EPDR1: variants seen among roughly 807,000 people sequenced by gnomAD.
EPDR1 encodes the protein mammalian ependymin-related protein 1.
Under a neutral mutation model 23.7 loss-of-function variants are expected in EPDR1, and 27 were observed. The observed-to-expected ratio is 1.14, with a 90% CI of 0.84 to 1.57. The LOEUF is 1.57. Ranked by LOEUF, EPDR1 falls within the 40% of genes most tolerant of loss-of-function variation. The pLI is 0.00. For missense variants in EPDR1, 349 were observed against 290.4 expected (o/e 1.20, Z -1.47); for synonymous variants, 137 against 118.2 (o/e 1.16, Z -1.03).
intron 1 of EPDR1, among the ~76,000 whole-genome samples, chr7:37,944,714 C>A (rs756400503): frequency 1.3e-5 from 2 of 152,176 alleles, no homozygotes; most frequent in African/African-American, 2.4e-5. Context: ...TACCTCCCCC[C>A]AGGTCCCTCC....
At chr7:37,936,666 A>G (rs1786060057) in intron 1 of EPDR1, among the ~76,000 whole-genome samples, 1 of 152,154 alleles carries the variant, frequency 6.6e-6, no homozygotes, top group African/African-American at 2.4e-5. Context: ...ATATATACAA[A>G]CAATAACCTT....
At chr7:37,931,886 T>C (rs915660404) in intron 1 of EPDR1, among the ~76,000 whole-genome samples, 2 of 152,062 alleles carry the variant, frequency 1.3e-5, no homozygotes, top group Non-Finnish European at 2.9e-5. Flanking sequence ...TATTTATTTT[T>C]TGTAGTAGAG....
At chr7:37,924,682 G>C (rs1785781489) in intron 1 of EPDR1, among the ~76,000 whole-genome samples, 1 of 152,166 alleles carries the variant, frequency 6.6e-6, no homozygotes, top group Non-Finnish European at 1.5e-5. Context: ...CCGAGTTCTT[G>C]GCAAGGTTCT....
Position 37,948,929 on chromosome 7 carries a change from A to C in EPDR1, c.359A>C (p.Gln120Pro). ...CAGTGCTCAAAGATGACCCTGACACAGCCCTGGGATCCTCTTGACATTCCT... is the reference window on the plus strand; with the variant it reads ...CAGTGCTCAAAGATGACCCTGACACCGCCCTGGGATCCTCTTGACATTCCT... ...TKQCSKMTLT[Q>P]PWDPLDIPQN... Residue 120 changes from glutamine to proline, a missense_variant, in exon 2 of 3, where the codon CAG becomes CCG. Transcript: ENST00000199448. 2 of 1,614,164 alleles carry C rather than the reference A, an allele frequency of 1.2e-6. No individual in the cohort carries two copies.
intron 1 of EPDR1, among the ~76,000 whole-genome samples, chr7:37,925,723 A>C (rs1785798447): frequency 6.6e-6 from 1 of 152,160 alleles, no homozygotes; most frequent in Non-Finnish European, 1.5e-5. Context: ...ATTTAATTTG[A>C]ATGATGCCTA....
chr7:37,921,411 G>A (rs1300624610), intron 1 of EPDR1: 5 of 1,391,676 alleles, frequency 3.6e-6, no homozygotes, highest in African/African-American at 1.5e-5. Flanking sequence ...AGGGCGGCCT[G>A]CTGGCGGGGG....
chr7:37,926,482 A>C (rs1335133839), intron 1 of EPDR1, among the ~76,000 whole-genome samples: 1 of 88,832 alleles, frequency 1.1e-5, no homozygotes. Context: ...TCATAGCAAA[A>C]AAAAAAAAAA....
At chr7:37,923,579 A>G (rs1785755859) in intron 1 of EPDR1, among the ~76,000 whole-genome samples, 1 of 152,174 alleles carries the variant, frequency 6.6e-6, no homozygotes, top group Non-Finnish European at 1.5e-5. Flanking sequence ...GAATAGTCAT[A>G]TTGAAGATGG....
chr7:37,950,675 A>G lies in EPDR1; in HGVS notation c.*279A>G. On this transcript the variant is annotated 3_prime_UTR_variant, in exon 3 of 3. Coordinates refer to ENST00000199448, the MANE Select transcript of EPDR1 (RefSeq NM_017549.5). ...TGCCTGTTCAGGGCTGGTTTTCTGC[A>G]TGCACGGGTATACACATAATGCAGT... is the stretch of plus-strand genomic sequence containing the variant. 2.5e-6 allele frequency: 1 copy of G among 407,436 alleles called. No individual in the cohort carries two copies. The highest frequency in any genetic ancestry group is 4.4e-6 in the Non-Finnish European group (1 of 225,296). The allele number at this position is 407,436 out of a possible 1,614,324, so 25.2% of individuals were successfully genotyped here.
intron 1 of EPDR1, among the ~76,000 whole-genome samples, chr7:37,937,984 AATTTT>A (rs1400538954): frequency 1.6e-5 from 1 of 62,244 alleles, no homozygotes; most frequent in Non-Finnish European, 3.1e-5. Flanking sequence ...GTGCCCTTTA[AATTTT>A]TTTTTTTTTT....
At chr7:37,942,673 C>T (rs1032714715) in intron 1 of EPDR1, among the ~76,000 whole-genome samples, 1 of 152,120 alleles carries the variant, frequency 6.6e-6, no homozygotes, top group East Asian at 1.9e-4. Flanking sequence ...TGTCCAGACA[C>T]ATGTACAGAG....
At chr7:37,922,656 T>C in intron 1 of EPDR1, among the ~76,000 whole-genome samples, 1 of 122,180 alleles carries the variant, frequency 8.2e-6, no homozygotes, top group East Asian at 2.3e-4. Flanking sequence ...AGCTAATGCT[T>C]GAGGAAGCTA....
chr7:37,944,587 T>A (rs6968919), intron 1 of EPDR1, among the ~76,000 whole-genome samples: 38,807 of 152,186 alleles, frequency 0.25, 5,494 homozygotes, highest in Non-Finnish European at 0.32. Context: ...TCTTACGTGG[T>A]GGCAGGCAAG....
chr7:37,931,340 C>T lies in EPDR1; in HGVS notation c.269+10132C>T, dbSNP rs569717402. ...ACCAGCCTGGCCACCATGGTGAAAC[C>T]CCATCTCTACTAAAAATACAAAAAT... On this transcript the variant is annotated intron_variant, in intron 1 of 2. Transcript: ENST00000199448. 2.6e-5 allele frequency among the ~76,000 whole-genome samples: 4 copies of T among 152,046 alleles called. No homozygotes were observed. In the South Asian group the frequency reaches 8.3e-4, roughly 32 times the overall value.
chr7:37,927,392 A>G (rs753853711), intron 1 of EPDR1, among the ~76,000 whole-genome samples: 10 of 150,346 alleles, frequency 6.7e-5, no homozygotes, highest in Non-Finnish European at 1.3e-4. Context: ...TTTTCCTTTC[A>G]TTTTTGCTAC....
In EPDR1 at chr7:37,923,803, G is replaced by A. The variant is rs968694530; in HGVS notation, c.269+2595G>A. Among the ~76,000 whole-genome samples the A allele has an allele frequency of 4.6e-5, 7 of 152,144 alleles. 1 individual carries two copies. Among genetic ancestry groups the A allele is most frequent in the Non-Finnish European group, 8.8e-5 (6 of 68,030 alleles). On this transcript the variant is annotated intron_variant, in intron 1 of 2. Coordinates refer to ENST00000199448, the MANE Select transcript of EPDR1 (RefSeq NM_017549.5). ...GTCTCAGTATCCTCATTTACAAAAT[G>A]TGAATACTTATAATGCCTAATTTAT...
rs1259605037 is a variant in EPDR1, at chr7:37,950,286, A to G, written c.565A>G (p.Thr189Ala). The part of the protein sequence containing the change: ...FTINYSVILS[T>A]RFFDIQLGIK... ...CATAAACTACAGTGTGATATTGTCTACGCGGTTTTTTGACATCCAGCTGGG... is the reference window on the plus strand; with the variant it reads ...CATAAACTACAGTGTGATATTGTCTGCGCGGTTTTTTGACATCCAGCTGGG... Residue 189 changes from threonine (T) to alanine (A), a missense_variant, in exon 3 of 3, where the codon ACG (threonine) becomes GCG (alanine). By Grantham distance (58) the Thr-to-Ala change is moderately conservative (BLOSUM62 0). Transcript: ENST00000199448. The G allele has an allele frequency of 6.2e-7, 1 of 1,613,934 alleles. No individual in the cohort carries two copies. Among genetic ancestry groups the G allele is most frequent in the African/African-American group, 1.3e-5 (1 of 74,874 alleles).
chr7:37,930,701 G>T (rs1785919531), intron 1 of EPDR1, among the ~76,000 whole-genome samples: 1 of 152,202 alleles, frequency 6.6e-6, no homozygotes, highest in African/African-American at 2.4e-5. Flanking sequence ...AATGAAGCTT[G>T]GGAATCCACT....
intron 1 of EPDR1, among the ~76,000 whole-genome samples, chr7:37,943,021 C>T (rs1368022927): frequency 6.6e-6 from 1 of 152,224 alleles, no homozygotes; most frequent in African/African-American, 2.4e-5. Context: ...GCTTGGCCTT[C>T]TGAGCCTTTG....
Sources: allele counts gnomAD v4.1 joint callset (sites outside exome capture counted in the v4.1 genomes callset), GRCh38; gene constraint gnomAD v4.1.1; transcripts MANE v1.5; gene names NCBI Gene and HGNC (gene_info 2026-07-23, HGNC 2026-07-21).